Variants in OPRM1 observed in about 807,000 individuals in gnomAD.
OPRM1 encodes mu-type opioid receptor.
A neutral mutation model predicts 31.8 loss-of-function variants in OPRM1; 27 were observed. The ratio of observed to expected loss-of-function variants is 0.85; its 90% CI spans 0.63 to 1.17. OPRM1 has a LOEUF of 1.17. Among genes scored for constraint, OPRM1 ranks in the 50% most tolerant of loss-of-function variants. OPRM1 has a pLI of 0.00. For synonymous variants in OPRM1, 196 were observed against 189.9 expected (o/e 1.03, Z -0.26); for missense variants, 536 against 511.1 (o/e 1.05, Z -0.47).
At chr6:154,077,499 G>A (rs1788118416) in intron 1 of OPRM1, among the ~76,000 whole-genome samples, 1 of 151,634 alleles carries the variant, frequency 6.6e-6, no homozygotes, top group South Asian at 2.1e-4. Context: ...GGGAGGCTGA[G>A]GTGGGCGGAT....
chr6:154,160,804 C>T (rs1276269791), intron 3 of OPRM1, among the ~76,000 whole-genome samples: 1 of 152,172 alleles, frequency 6.6e-6, no homozygotes, highest in African/African-American at 2.4e-5. Flanking sequence ...TTTCTCCATC[C>T]CATGACCATA....
rs778728049 is a variant in OPRM1, at chr6:154,168,319, G to A, written c.1164+76847G>A. Among the ~76,000 whole-genome samples, 12 of 152,138 alleles carry A rather than the reference G, an allele frequency of 7.9e-5. No homozygotes were observed. Among genetic ancestry groups the A allele is most frequent in the Non-Finnish European group, 1.8e-4 (12 of 68,018 alleles). ...CTGCAGAGCCACGTTCCCTGTGAAG[G>A]CACCAGGGAAGGAGTTATTCCAAGC... On this transcript the variant is annotated intron_variant, in intron 3 of 3. Transcript: ENST00000337049. The surrounding 1 kb of genome is among the most constrained non-coding windows in gnomAD (Gnocchi z 4.1).
chr6:154,107,341 T>A, intron 3 of OPRM1: 1 of 624,898 alleles, frequency 1.6e-6, no homozygotes, highest in Non-Finnish European at 2.9e-6. Flanking sequence ...ATTTCTGGCT[T>A]TTGAACTTCA....
chr6:154,151,920 G>A (rs958366765), intron 3 of OPRM1, among the ~76,000 whole-genome samples: 2 of 151,990 alleles, frequency 1.3e-5, no homozygotes, highest in South Asian at 4.2e-4. Flanking sequence ...AAGCCTGTAA[G>A]TCCCAGCACT....
chr6:154,032,294 T>TA (rs1195683611), intron 1 of OPRM1, among the ~76,000 whole-genome samples: 5 of 152,186 alleles, frequency 3.3e-5, no homozygotes, highest in African/African-American at 1.2e-4. Context: ...AAAAGTCTTA[T>TA]AAAGTAAGCA....
chr6:154,056,095 A>G (rs1420772699), intron 1 of OPRM1, among the ~76,000 whole-genome samples: 1 of 146,934 alleles, frequency 6.8e-6, no homozygotes, highest in East Asian at 1.9e-4. Flanking sequence ...CAAATGATGG[A>G]GCTCTTTTCT....
Position 154,120,208 on chromosome 6 carries a change from A to G in OPRM1, c.*1487A>G, listed in dbSNP as rs1797230003. 6.6e-6 allele frequency among the ~76,000 whole-genome samples: 1 copy of G among 152,158 alleles called. No individual in the cohort carries two copies. Among genetic ancestry groups the G allele is most frequent in the South Asian group, 2.1e-4 (1 of 4,824 alleles). On this transcript the variant is annotated 3_prime_UTR_variant, in exon 4 of 4. Transcript: ENST00000330432. Reference sequence around the variant, plus strand: ...CTACAATTGTAAAATTGTAGACTCCATTGTAAAATTTGTATTTTTTCATCA... The same window carrying G: ...CTACAATTGTAAAATTGTAGACTCCGTTGTAAAATTTGTATTTTTTCATCA...
intron 1 of OPRM1, among the ~76,000 whole-genome samples, chr6:154,084,589 A>T (rs1395900821): frequency 6.6e-6 from 1 of 152,238 alleles, no homozygotes; most frequent in Non-Finnish European, 1.5e-5. Context: ...GGATTGATCC[A>T]ATTAAATATG....
chr6:154,202,090 A>G (rs1777115236), intron 3 of OPRM1, among the ~76,000 whole-genome samples: 1 of 152,198 alleles, frequency 6.6e-6, no homozygotes, highest in South Asian at 2.1e-4. Context: ...TTGATGGGAG[A>G]AGCCAATATT....
At chr6:154,098,120 A>G (rs1242956299) in intron 3 of OPRM1, among the ~76,000 whole-genome samples, 2 of 152,212 alleles carry the variant, frequency 1.3e-5, no homozygotes, top group African/African-American at 4.8e-5. Context: ...GTGGCTAACT[A>G]TTGACTCCAG....
At chr6:154,052,621 G>C (rs756198019) in intron 1 of OPRM1, among the ~76,000 whole-genome samples, 1 of 152,172 alleles carries the variant, frequency 6.6e-6, no homozygotes, top group Non-Finnish European at 1.5e-5. Context: ...AGAAGTGGTA[G>C]GCTGGGTTCT....
chr6:154,144,735 C>T (rs1252517057), intron 3 of OPRM1, among the ~76,000 whole-genome samples: 7 of 112,874 alleles, frequency 6.2e-5, no homozygotes, highest in South Asian at 2.7e-4. Context: ...GCAACAAGAG[C>T]GAGACTCTGT....
At chr6:154,049,664 C>A (rs1212340338) in intron 1 of OPRM1, among the ~76,000 whole-genome samples, 3 of 152,098 alleles carry the variant, frequency 2.0e-5, no homozygotes, top group Non-Finnish European at 4.4e-5. Flanking sequence ...AATATGGTAG[C>A]AAATTCATGA....
chr6:154,056,017 A>C (rs1188478184), intron 1 of OPRM1, among the ~76,000 whole-genome samples: 1 of 152,200 alleles, frequency 6.6e-6, no homozygotes, highest in Non-Finnish European at 1.5e-5. Flanking sequence ...GGGATTTCTA[A>C]TTTCATCCCT....
intron 1 of OPRM1, among the ~76,000 whole-genome samples, chr6:154,068,953 T>C (rs1786056564): frequency 6.6e-6 from 1 of 152,216 alleles, no homozygotes; most frequent in Non-Finnish European, 1.5e-5. Flanking sequence ...TCCCTGATGA[T>C]TACTGATGTT....
intron 3 of OPRM1, among the ~76,000 whole-genome samples, chr6:154,216,162 G>A (rs142211727): frequency 0.013 from 2,037 of 152,176 alleles, 26 homozygotes; most frequent in Middle Eastern, 0.061. Context: ...ATACACAAAT[G>A]TGGCAGAATG....
rs34517179 is a variant in OPRM1, at chr6:154,128,943, CA to C, written c.*10226del. 0.67 allele frequency among the ~76,000 whole-genome samples: 101,177 copies of C among 151,998 alleles called. 34,006 individuals carry two copies. Among genetic ancestry groups the C allele is most frequent in the East Asian group, 0.9 (4,668 of 5,178 alleles). Reference sequence around the variant, plus strand: ...ATAAGTCAATTTGGCTCTATTATGTCAAAAGAGAATAGGAGTTTTAACTTAT... The same window carrying C: ...ATAAGTCAATTTGGCTCTATTATGTCAAAGAGAATAGGAGTTTTAACTTAT... On this transcript the variant is annotated 3_prime_UTR_variant, in exon 4 of 4. Transcript: ENST00000330432.
chr6:154,091,903 G>T, intron 3 of OPRM1: 9 of 989,516 alleles, frequency 9.1e-6, no homozygotes, highest in Non-Finnish European at 1.1e-5. Context: ...GAGAGGGTGA[G>T]TGCCTTGCCC....
intron 3 of OPRM1, chr6:154,158,610 A>C (rs1430592342): frequency 6.6e-6 from 1 of 152,184 alleles, no homozygotes; most frequent in Non-Finnish European, 1.5e-5. Context: ...AAAATTATGA[A>C]TGCATGCCCC....
Sources: allele counts gnomAD v4.1 joint callset (sites outside exome capture counted in the v4.1 genomes callset), GRCh38; gene constraint gnomAD v4.1.1; non-coding constraint Gnocchi (gnomAD v3.1); transcripts MANE v1.5; gene names NCBI Gene and HGNC (gene_info 2026-07-23, HGNC 2026-07-21).